Variants in TRPC7 observed in about 807,000 individuals in gnomAD.
TRPC7 encodes the protein transient receptor potential cation channel subfamily C member 7, also known as short transient receptor potential channel 7.
Under a neutral mutation model 90.1 loss-of-function variants are expected in TRPC7, and 42 were observed. The observed-to-expected ratio is 0.47, with a 90% CI of 0.36 to 0.60. The LOEUF (loss-of-function observed/expected upper bound fraction) is 0.60, where lower values mean the gene tolerates loss of function less well. TRPC7 is among the 20% of genes least tolerant of loss of function. TRPC7 has a pLI of 0.00. For synonymous variants in TRPC7, 451 were observed against 436.3 expected (o/e 1.03, Z -0.42); for missense variants, 955 against 1,112.3 (o/e 0.86, Z 2.01).
intron 3 of TRPC7, among the ~76,000 whole-genome samples, chr5:136,276,324 G>A (rs1757365857): frequency 1.3e-5 from 2 of 152,170 alleles, no homozygotes; most frequent in African/African-American, 4.8e-5. Context: ...AAGATAGACT[G>A]GGCATTTTTC....
At chr5:136,217,576 A>T (rs375706215) in intron 10 of TRPC7, among the ~76,000 whole-genome samples, 2 of 152,234 alleles carry the variant, frequency 1.3e-5, no homozygotes, top group African/African-American at 4.8e-5. Flanking sequence ...ATCTAATTTC[A>T]GGCTGAAGAG....
At chr5:136,343,755 A>C (rs1242032903) in intron 2 of TRPC7, among the ~76,000 whole-genome samples, 1 of 152,172 alleles carries the variant, frequency 6.6e-6, no homozygotes, top group Admixed American at 6.5e-5. Flanking sequence ...TGGAAAAGGC[A>C]TTACTCCCTT....
At chr5:136,225,234 C>T in intron 10 of TRPC7, 40 bp downstream of exon 10, 1 of 1,585,442 alleles carries the variant, frequency 6.3e-7, no homozygotes, top group Non-Finnish European at 8.6e-7. Flanking sequence ...GTGGAGTCTA[C>T]TTCTGCCCAT....
chr5:136,329,429 T>A (rs1759434439), intron 2 of TRPC7, among the ~76,000 whole-genome samples: 2 of 152,120 alleles, frequency 1.3e-5, no homozygotes, highest in African/African-American at 2.4e-5. Flanking sequence ...GTGATGTAAG[T>A]GCCTTGCGAC....
At chr5:136,336,518 T>A (rs1038545999) in intron 2 of TRPC7, among the ~76,000 whole-genome samples, 9 of 152,094 alleles carry the variant, frequency 5.9e-5, no homozygotes, top group East Asian at 3.9e-4. Flanking sequence ...TTTTTTTTTT[T>A]AATATATATA....
At chr5:136,253,952 C>T (rs930998754) in intron 5 of TRPC7, among the ~76,000 whole-genome samples, 12 of 152,196 alleles carry the variant, frequency 7.9e-5, no homozygotes, top group African/African-American at 2.7e-4. Context: ...AGTACTACTC[C>T]AGTGAACTCA....
At chr5:136,230,837 C>T (rs1329695435) in intron 8 of TRPC7, among the ~76,000 whole-genome samples, 1 of 152,172 alleles carries the variant, frequency 6.6e-6, no homozygotes, top group East Asian at 1.9e-4. Flanking sequence ...TCTGTCCCCA[C>T]ACCACTCCCC....
At chr5:136,234,115 C>A (rs1454566916) in intron 7 of TRPC7, among the ~76,000 whole-genome samples, 3 of 152,158 alleles carry the variant, frequency 2.0e-5, no homozygotes, top group Non-Finnish European at 4.4e-5. Flanking sequence ...ATCTTCAGTA[C>A]TGCACATCTG....
intron 7 of TRPC7, among the ~76,000 whole-genome samples, chr5:136,236,305 G>T (rs930117244): frequency 6.6e-5 from 10 of 152,182 alleles, no homozygotes; most frequent in African/African-American, 1.9e-4. Context: ...AGCCCCTCAG[G>T]TGCTTCTGCA....
chr5:136,327,279 G>A (rs1257039328), intron 2 of TRPC7, among the ~76,000 whole-genome samples: 1 of 152,180 alleles, frequency 6.6e-6, no homozygotes, highest in Non-Finnish European at 1.5e-5. Context: ...ATAATTCAAA[G>A]GTAGATGTTC....
At chr5:136,258,244 A>G (rs1023335687) in intron 5 of TRPC7, among the ~76,000 whole-genome samples, 8 of 152,242 alleles carry the variant, frequency 5.3e-5, no homozygotes, top group African/African-American at 1.4e-4. Context: ...AAATTATTCC[A>G]GGGCCATAAG....
intron 10 of TRPC7, among the ~76,000 whole-genome samples, chr5:136,221,040 T>C (rs1229421939): frequency 6.6e-6 from 1 of 152,004 alleles, no homozygotes; most frequent in African/African-American, 2.4e-5. Context: ...AGAAAATAGA[T>C]ATAGAAAAGA....
intron 2 of TRPC7, among the ~76,000 whole-genome samples, chr5:136,333,973 T>G (rs992440594): frequency 5.3e-5 from 8 of 152,210 alleles, no homozygotes; most frequent in Non-Finnish European, 1.2e-4. Context: ...AGAATTTCAA[T>G]GTTGGAGAGG....
chr5:136,263,276 T>A (rs1365510694), intron 5 of TRPC7, among the ~76,000 whole-genome samples: 2 of 152,176 alleles, frequency 1.3e-5, no homozygotes, highest in African/African-American at 2.4e-5. Context: ...GTAAGCCTTC[T>A]CCAGATCCAC....
At chr5:136,343,734 G>A (rs4976491) in intron 2 of TRPC7, among the ~76,000 whole-genome samples, 50,095 of 152,058 alleles carry the variant, frequency 0.33, 9,240 homozygotes, top group Middle Eastern at 0.46. Context: ...GGTGAACATT[G>A]TGACAGGTGA....
intron 8 of TRPC7, 85 bp downstream of exon 8, chr5:136,231,269 C>T (rs1370895375): frequency 1.7e-6 from 2 of 1,202,552 alleles, no homozygotes; most frequent in Non-Finnish European, 2.3e-6. Context: ...AACACATGGG[C>T]TTCTAACATC....
chr5:136,294,464 C>A (rs1221486938), intron 3 of TRPC7, among the ~76,000 whole-genome samples: 1 of 152,010 alleles, frequency 6.6e-6, no homozygotes, highest in East Asian at 1.9e-4. Flanking sequence ...ACAACCCCAT[C>A]AAAAAGTGGG....
At chr5:136,259,125 T>G (rs1304552244) in intron 5 of TRPC7, among the ~76,000 whole-genome samples, 3 of 152,250 alleles carry the variant, frequency 2.0e-5, no homozygotes. Context: ...ACCTTCTAGG[T>G]GCCAGGCCCT....
chr5:136,364,634 C>A (rs1260843634), intron 1 of TRPC7, among the ~76,000 whole-genome samples: 4 of 152,088 alleles, frequency 2.6e-5, no homozygotes, highest in African/African-American at 9.7e-5. Flanking sequence ...TCTACTCAAT[C>A]ATAGGTAAAT....
Sources: allele counts gnomAD v4.1 joint callset (sites outside exome capture counted in the v4.1 genomes callset), GRCh38; gene constraint gnomAD v4.1.1; transcripts MANE v1.5; gene names NCBI Gene and HGNC (gene_info 2026-07-23, HGNC 2026-07-21).